KDM4B: variants seen among roughly 807,000 people sequenced by gnomAD.
KDM4B encodes lysine-specific demethylase 4B.
KDM4B carries 32 observed loss-of-function variants against 125.2 expected under a neutral mutation model. That is an observed-to-expected ratio of 0.26 (90% CI 0.19 to 0.34). The LOEUF is 0.34. Ranked by LOEUF, KDM4B falls within the 10% of genes least tolerant of loss-of-function variation. KDM4B has a pLI of 1.00. For synonymous variants in KDM4B, 721 were observed against 677.9 expected (o/e 1.06, Z -0.99); for missense variants, 1,190 against 1,577.7 (o/e 0.75, Z 4.16).
At chr19:5,023,346 A>C (rs965586813) in intron 2 of KDM4B, among the ~76,000 whole-genome samples, 2 of 152,184 alleles carry the variant, frequency 1.3e-5, no homozygotes, top group African/African-American at 4.8e-5. Flanking sequence ...TTGCCAGGGG[A>C]GGCATTTGGA....
intron 9 of KDM4B, among the ~76,000 whole-genome samples, chr19:5,091,075 C>T (rs2038691734): frequency 6.6e-6 from 1 of 152,228 alleles, no homozygotes; most frequent in Non-Finnish European, 1.5e-5. Context: ...ATAAAATGTG[C>T]ACGCAGCCGC....
At chr19:5,062,962 G>C (rs1405976283) in intron 6 of KDM4B, among the ~76,000 whole-genome samples, 1 of 151,324 alleles carries the variant, frequency 6.6e-6, no homozygotes, top group Admixed American at 6.6e-5. Flanking sequence ...TTTATATTAT[G>C]ATTTTAAGAA....
At chr19:5,098,265 A>G (rs1352290696) in intron 9 of KDM4B, among the ~76,000 whole-genome samples, 1 of 152,212 alleles carries the variant, frequency 6.6e-6, no homozygotes, top group East Asian at 1.9e-4. Flanking sequence ...TCTGGCATTC[A>G]GTATGTTTTT....
intron 2 of KDM4B, among the ~76,000 whole-genome samples, chr19:5,017,190 G>A (rs762323449): frequency 5.3e-5 from 8 of 152,158 alleles, no homozygotes; most frequent in Non-Finnish European, 1.2e-4. Context: ...GTCATTTGTG[G>A]GTGCCTTTTC....
chr19:5,026,427 C>T (rs967308803), intron 2 of KDM4B, among the ~76,000 whole-genome samples: 1 of 152,156 alleles, frequency 6.6e-6, no homozygotes, highest in African/African-American at 2.4e-5. Context: ...AATCGAGTGT[C>T]CCACTTCAGC....
intron 3 of KDM4B, among the ~76,000 whole-genome samples, chr19:5,036,414 G>A (rs1328866787): frequency 6.6e-6 from 1 of 152,212 alleles, no homozygotes; most frequent in Non-Finnish European, 1.5e-5. Flanking sequence ...GGAGTTGCTG[G>A]GCCCTCCACA....
Position 5,144,262 on chromosome 19 carries a change from G to T in KDM4B, c.2751G>T (p.Arg917Ser). 1 of 1,598,732 alleles carries T rather than the reference G, an allele frequency of 6.3e-7. No homozygotes were observed. ...KSGGHAVQLLRAVSLGQVVIT... is the reference protein window; with the variant it reads ...KSGGHAVQLLSAVSLGQVVIT... ...CACCCTCCCAGGTCCAACTCCTGAG[G>T]GCCGTGTCCCTAGGCCAGGTGGTCA... Residue 917 changes from arginine (R) to serine (S), a missense_variant, in exon 20 of 23, where the codon AGG becomes AGT. Arg to Ser is a moderately radical substitution (Grantham distance 110). This residue lies in a region of KDM4B where 298 missense variants were observed against 439.7 expected (regional missense o/e 0.68). Coordinates refer to ENST00000159111, the MANE Select transcript of KDM4B (RefSeq NM_015015.3).
chr19:5,067,222 G>A (rs1290015825), intron 6 of KDM4B, among the ~76,000 whole-genome samples: 1 of 152,190 alleles, frequency 6.6e-6, no homozygotes, highest in African/African-American at 2.4e-5. Flanking sequence ...GTTGCACTGA[G>A]CTAAGTCTCC....
intron 11 of KDM4B, among the ~76,000 whole-genome samples, chr19:5,125,286 C>T (rs2146035994): frequency 6.6e-6 from 1 of 152,334 alleles, no homozygotes; most frequent in East Asian, 1.9e-4. Flanking sequence ...CCTGCTCTCA[C>T]TTGGGCCTCA....
intron 10 of KDM4B, chr19:5,113,779 C>T: frequency 1.6e-6 from 1 of 606,656 alleles, no homozygotes; most frequent in Non-Finnish European, 2.1e-6. Flanking sequence ...GAACCCCTGC[C>T]CTAGACCAAG....
chr19:4,997,655 G>T lies in KDM4B; in HGVS notation c.-108-18602G>T, dbSNP rs2035244987. On this transcript the variant is annotated intron_variant, in intron 1 of 22. Coordinates refer to ENST00000159111, the MANE Select transcript of KDM4B (RefSeq NM_015015.3). The surrounding 1 kb of genome is among the most constrained non-coding windows in gnomAD (Gnocchi z 4.2). ...TCCGGTTGGTGGGCTGGTCAGCCAT[G>T]CCAGGCACTCAGAGTCATCCCTGCC... Among the ~76,000 whole-genome samples the T allele has an allele frequency of 6.6e-6, 1 of 152,170 alleles. No individual in the cohort carries two copies. Among genetic ancestry groups the T allele is most frequent in the Non-Finnish European group, 1.5e-5 (1 of 68,014 alleles).
chr19:4,996,904 G>A (rs2035219453), intron 1 of KDM4B, among the ~76,000 whole-genome samples: 1 of 152,182 alleles, frequency 6.6e-6, no homozygotes, highest in African/African-American at 2.4e-5. Flanking sequence ...GCAGGGTGCT[G>A]AGCAGCAGCC....
intron 1 of KDM4B, among the ~76,000 whole-genome samples, chr19:5,014,106 A>G (rs1029368756): frequency 1.3e-5 from 2 of 152,224 alleles, no homozygotes; most frequent in African/African-American, 2.4e-5. Context: ...AACATAGAAA[A>G]TGTCAGAGCT....
At chr19:5,051,094 C>T (rs899151038) in intron 6 of KDM4B, among the ~76,000 whole-genome samples, 13 of 152,102 alleles carry the variant, frequency 8.5e-5, no homozygotes, top group South Asian at 6.2e-4. Flanking sequence ...ACACAGGCGT[C>T]GCCACGAGGC....
At chr19:5,140,589 G>A (rs2039723950) in intron 18 of KDM4B, 1 of 152,302 alleles carries the variant, frequency 6.6e-6, no homozygotes, top group South Asian at 2.1e-4. Context: ...GCAAAACTTA[G>A]CTCTGCATGG....
At chr19:5,147,719 G>C (rs1378321567) in intron 21 of KDM4B, among the ~76,000 whole-genome samples, 2 of 149,590 alleles carry the variant, frequency 1.3e-5, no homozygotes, top group Non-Finnish European at 3.0e-5. Flanking sequence ...CTCCAACCCG[G>C]GTGATGAAAC....
intron 9 of KDM4B, among the ~76,000 whole-genome samples, chr19:5,086,766 C>A (rs1018940094): frequency 1.3e-5 from 2 of 152,246 alleles, no homozygotes; most frequent in African/African-American, 4.8e-5. Context: ...GATGGGCCTG[C>A]AGCAGCTACA....
At chr19:5,060,530 G>A (rs1188010716) in intron 6 of KDM4B, among the ~76,000 whole-genome samples, 3 of 148,498 alleles carry the variant, frequency 2.0e-5, no homozygotes, top group East Asian at 2.1e-4. Flanking sequence ...TTAGGAGACT[G>A]TCGTTGTTCT....
At chr19:5,038,441 C>T (rs995513929) in intron 3 of KDM4B, among the ~76,000 whole-genome samples, 4 of 152,310 alleles carry the variant, frequency 2.6e-5, no homozygotes, top group Admixed American at 1.3e-4. Flanking sequence ...CAGAAAGAGC[C>T]GGCGCTAACC....
Sources: gnomAD v4.1 joint callset for allele counts (sites outside exome capture counted in the v4.1 genomes callset) on GRCh38, gnomAD v4.1.1 for gene constraint, gnomAD v4.1.1 regional missense constraint, Gnocchi (gnomAD v3.1) non-coding constraint, MANE v1.5 for transcripts, NCBI Gene and HGNC (gene_info 2026-07-23, HGNC 2026-07-21) for gene names.